PDE8B: variants seen among roughly 807,000 people sequenced by gnomAD.
PDE8B encodes the protein phosphodiesterase 8B.
A neutral mutation model predicts 101.3 loss-of-function variants in PDE8B; 26 were observed. That is an observed-to-expected ratio of 0.26 (90% CI 0.19 to 0.36). PDE8B has a LOEUF of 0.36. Among genes scored for constraint, PDE8B ranks in the 10% least tolerant of loss-of-function variants. The probability of loss-of-function intolerance (pLI) is 1.00; values close to 1 mark genes in which losing one functional copy is unlikely to be tolerated. For synonymous variants in PDE8B, 424 were observed against 429.3 expected, an observed-to-expected ratio of 0.99 and a Z score of 0.15; for missense variants, 810 against 1,163.1, an observed-to-expected ratio of 0.70 and a Z score of 4.42.
At chr5:77,100,732 C>T in the PDE8B span, among the ~76,000 whole-genome samples, 1 of 152,020 alleles carries the variant, frequency 6.6e-6, no homozygotes, top group African/African-American at 2.4e-5. Context: ...TTAGAGTGGA[C>T]ATCTGGAGGC....
chr5:77,279,927 G>A (rs546426224), intron 1 of PDE8B, among the ~76,000 whole-genome samples: 70 of 152,256 alleles, frequency 4.6e-4, no homozygotes, highest in African/African-American at 1.6e-3. Context: ...AATATAGGTA[G>A]TCCAGCCTAG....
At chr5:77,181,919 C>T in the PDE8B span, among the ~76,000 whole-genome samples, 1 of 152,176 alleles carries the variant, frequency 6.6e-6, no homozygotes, top group African/African-American at 2.4e-5. Context: ...CCCAGCAGTT[C>T]GCATTGCCAG....
At chr5:77,273,165 GA>G (rs1763130813) in intron 1 of PDE8B, among the ~76,000 whole-genome samples, 1 of 152,200 alleles carries the variant, frequency 6.6e-6, no homozygotes, top group African/African-American at 2.4e-5. Flanking sequence ...GTGCTGCACT[GA>G]AGCCCTTGTC....
At chr5:77,135,473 ATTTTTTTTTTT>A in the PDE8B span, among the ~76,000 whole-genome samples, 1 of 121,534 alleles carries the variant, frequency 8.2e-6, no homozygotes, top group Admixed American at 8.7e-5. Context: ...AGCCAGAGGA[ATTTTTTTTTTT>A]TTTTTTTTTT....
chr5:77,337,240 A>G lies in PDE8B; in HGVS notation c.722A>G (p.Asn241Ser), dbSNP rs1211400876. The change falls in exon 6 of 22, where the codon AAT (asparagine) becomes AGT (serine). Residue 241 changes from asparagine to serine, a missense_variant. Physicochemically the swap from Asn to Ser is conservative, Grantham distance 46. Transcript: ENST00000264917. ...CTTTCTTTTCAGAGATTTATGGAGA[A>G]TAGCAGCATAATTGCTTGCTATAAT... ...HAGFNRRFME[N>S]SSIIACYNEL... The G allele has an allele frequency of 1.9e-6, 3 of 1,576,946 alleles. No homozygotes were observed. The highest frequency in any genetic ancestry group is 8.7e-7 in the Non-Finnish European group (1 of 1,148,632).
At chr5:77,420,834 C>T (rs1452632304) in intron 19 of PDE8B, among the ~76,000 whole-genome samples, 2 of 152,182 alleles carry the variant, frequency 1.3e-5, no homozygotes, top group African/African-American at 2.4e-5. Flanking sequence ...CTGCAACTTA[C>T]TATTAACTGC....
rs569754137 is a variant in PDE8B, at chr5:77,366,873, GC to G, written c.1167+13473del. Among the ~76,000 whole-genome samples the G allele has an allele frequency of 7.7e-4, 117 of 152,200 alleles. 2 individuals are homozygous for G. Among genetic ancestry groups the G allele is most frequent in the Admixed American group, 7.5e-3 (115 of 15,286 alleles). On this transcript the variant is annotated intron_variant, in intron 10 of 21. Coordinates refer to ENST00000264917, the MANE Select transcript of PDE8B (RefSeq NM_003719.5). ...CTCTAGGCCTTGCTCCTGGATGGCA[GC>G]CCCCCGGTGGCCATCAAGGGCGCTT...
the PDE8B span, among the ~76,000 whole-genome samples, chr5:77,127,488 T>C: frequency 6.6e-6 from 1 of 152,206 alleles, no homozygotes; most frequent in East Asian, 1.9e-4. Flanking sequence ...CTCTTTCTTT[T>C]ATAAATTACC....
the PDE8B span, among the ~76,000 whole-genome samples, chr5:77,202,875 C>CTT: frequency 3.9e-5 from 6 of 152,326 alleles, no homozygotes; most frequent in African/African-American, 1.4e-4. Context: ...GCTGGGATTA[C>CTT]AGGTTAGAGC....
At chr5:77,270,955 T>C (rs1446240838) in intron 1 of PDE8B, among the ~76,000 whole-genome samples, 1 of 106,642 alleles carries the variant, frequency 9.4e-6, no homozygotes, top group Non-Finnish European at 2.1e-5. Context: ...TCACCCCTCA[T>C]TGTTCACTCA....
chr5:77,273,248 C>A (rs892948551), intron 1 of PDE8B, among the ~76,000 whole-genome samples: 1 of 152,122 alleles, frequency 6.6e-6, no homozygotes, highest in Admixed American at 6.5e-5. Flanking sequence ...AACATTGTAT[C>A]GTTTTTTATA....
At chr5:77,390,525 T>G (rs1453969356) in intron 10 of PDE8B, among the ~76,000 whole-genome samples, 2 of 152,184 alleles carry the variant, frequency 1.3e-5, no homozygotes, top group East Asian at 3.9e-4. Flanking sequence ...ATTCTACATT[T>G]TATGCTTTTA....
At chr5:77,399,614 CTTA>C (rs963644979) in intron 10 of PDE8B, among the ~76,000 whole-genome samples, 14 of 152,318 alleles carry the variant, frequency 9.2e-5, no homozygotes, top group African/African-American at 3.4e-4. Flanking sequence ...AGAAAGCACA[CTTA>C]TTATTTCTAG....
At chr5:77,107,899 CA>C in the PDE8B span, among the ~76,000 whole-genome samples, 3 of 152,050 alleles carry the variant, frequency 2.0e-5, no homozygotes, top group Non-Finnish European at 4.4e-5. Context: ...AGAGAATTCC[CA>C]GTTATACAGG....
intron 5 of PDE8B, among the ~76,000 whole-genome samples, chr5:77,332,870 C>T (rs939563403): frequency 6.6e-6 from 1 of 150,858 alleles, no homozygotes; most frequent in Non-Finnish European, 1.5e-5. Flanking sequence ...ATCTGAATCC[C>T]AAGTAGGTGG....
intron 1 of PDE8B, among the ~76,000 whole-genome samples, chr5:77,222,129 T>G (rs1458973809): frequency 6.6e-6 from 1 of 152,180 alleles, no homozygotes; most frequent in Non-Finnish European, 1.5e-5. Flanking sequence ...CCAGCTTGAA[T>G]TCCAGCTCTG....
At chr5:77,123,798 C>G in the PDE8B span, among the ~76,000 whole-genome samples, 7 of 152,108 alleles carry the variant, frequency 4.6e-5, no homozygotes, top group African/African-American at 1.7e-4. Flanking sequence ...GGATGAAATC[C>G]CATAGGACTG....
chr5:77,318,581 A>T (rs1774346683), intron 2 of PDE8B, among the ~76,000 whole-genome samples: 1 of 152,204 alleles, frequency 6.6e-6, no homozygotes, highest in Non-Finnish European at 1.5e-5. Context: ...ATTGAGTGAG[A>T]CAGTATGTTT....
Position 77,426,619 on chromosome 5 carries a change from A to G in PDE8B, c.*65A>G. ...ACTGTGAATCACAGTAGCGTAAACG[A>G]GAGGCCTTCCTTTCTAATGACAATG... On this transcript the variant is annotated 3_prime_UTR_variant, in exon 22 of 22. Transcript: ENST00000264917. 2.5e-6 allele frequency: 2 copies of G among 805,300 alleles called. No homozygotes were observed. The highest frequency in any genetic ancestry group is 1.4e-5 in the South Asian group (1 of 71,030). The allele number at this position is 805,300 out of a possible 1,614,324, so 49.9% of individuals were successfully genotyped here.
Sources: gnomAD v4.1 joint callset for allele counts (sites outside exome capture counted in the v4.1 genomes callset) on GRCh38, gnomAD v4.1.1 for gene constraint, MANE v1.5 for transcripts, NCBI Gene and HGNC (gene_info 2026-07-23, HGNC 2026-07-21) for gene names.